The following SLC1A2 variants were observed in gnomAD, a reference collection of about 807,000 sequenced individuals.
The protein encoded by SLC1A2 is excitatory amino acid transporter 2.
A neutral mutation model predicts 48.8 loss-of-function variants in SLC1A2; 15 were observed. That is an observed-to-expected ratio of 0.31 (90% confidence interval 0.21 to 0.47). The LOEUF is 0.47. SLC1A2 is among the 20% of genes least tolerant of loss of function. The pLI, the probability that SLC1A2 is intolerant of heterozygous loss-of-function variation, is 0.99. For missense variants in SLC1A2, 502 were observed against 730.5 expected (o/e 0.69, Z 3.61); for synonymous variants, 279 against 272.6 (o/e 1.02, Z -0.23).
rs115656224 is a variant in SLC1A2, at chr11:35,370,999, G to A, written c.17+47951C>T. On this transcript the variant is annotated intron_variant, in intron 1 of 10. Coordinates refer to ENST00000278379, the MANE Select transcript of SLC1A2 (RefSeq NM_004171.4). ...CAGGGTACAGACAGTCCCAAAGGGT[G>A]GCATCTTCCTCTCTCATTCATGGGG... 1.6e-3 allele frequency: 1,555 copies of A among 985,086 alleles called. 24 individuals carry two copies. The African/African-American group carries it at 0.025, about 16-fold the overall frequency. 61.0% of individuals were successfully genotyped at this position (985,086 alleles called of 1,614,324 possible).
chr11:35,284,112 A>ATATATATATATATATATATATAT (rs1355573961), intron 8 of SLC1A2, among the ~76,000 whole-genome samples: 23 of 91,370 alleles, frequency 2.5e-4, no homozygotes, highest in Admixed American at 3.6e-4. Flanking sequence ...TATATATATA[A>ATATATATATATATATATATATAT]ATTATTATTT....
At chr11:35,354,077 A>G (rs1388703068) in intron 1 of SLC1A2, among the ~76,000 whole-genome samples, 1 of 152,172 alleles carries the variant, frequency 6.6e-6, no homozygotes, top group Non-Finnish European at 1.5e-5. Flanking sequence ...ATACAGATAG[A>G]AGACCAAAAC....
chr11:35,379,082 G>A (rs1258746813), intron 1 of SLC1A2, among the ~76,000 whole-genome samples: 2 of 152,098 alleles, frequency 1.3e-5, no homozygotes, highest in African/African-American at 4.8e-5. Context: ...TACAAAAGTA[G>A]CCAGGCGTGG....
At chr11:35,286,105 A>T (rs965498389) in intron 8 of SLC1A2, 1 of 152,234 alleles carries the variant, frequency 6.6e-6, no homozygotes, top group African/African-American at 2.4e-5. Flanking sequence ...GTTTATGGTG[A>T]GGCAATGCAT....
intron 1 of SLC1A2, among the ~76,000 whole-genome samples, chr11:35,414,323 C>A (rs1050388479): frequency 6.6e-6 from 1 of 152,104 alleles, no homozygotes; most frequent in Admixed American, 6.5e-5. Flanking sequence ...TTTAATACTG[C>A]GGGCCCATTG....
intron 1 of SLC1A2, among the ~76,000 whole-genome samples, chr11:35,371,530 A>G (rs1457748581): frequency 6.6e-6 from 1 of 152,232 alleles, no homozygotes; most frequent in Admixed American, 6.5e-5. Flanking sequence ...TAGTACCACC[A>G]GGGGTGGGAA....
chr11:35,292,720 G>A (rs780054274), intron 6 of SLC1A2, among the ~76,000 whole-genome samples, 200 bp from the exon 7 acceptor site: 6 of 151,966 alleles, frequency 3.9e-5, no homozygotes, highest in South Asian at 2.1e-4. Flanking sequence ...GGTGGCGCCT[G>A]CTCTGATGAA....
chr11:35,411,774 CT>C (rs1855469737), intron 1 of SLC1A2, among the ~76,000 whole-genome samples: 1 of 152,174 alleles, frequency 6.6e-6, no homozygotes, highest in African/African-American at 2.4e-5. Flanking sequence ...TTGAAATTAT[CT>C]TGTTTGACAT....
Position 35,403,014 on chromosome 11 carries a change from A to G in SLC1A2, c.17+15936T>C, listed in dbSNP as rs117246663. Among the ~76,000 whole-genome samples, 3 of 152,376 alleles carry G rather than the reference A, an allele frequency of 2.0e-5. No homozygotes were observed. In the East Asian group the frequency reaches 5.8e-4, roughly 29 times the overall value. ...ACCAAGTGTTAGCAGCCTAATTTGC[A>G]AAGTCAAGAGACTGATGGATAACCC... is the stretch of plus-strand genomic sequence containing the variant. On this transcript the variant is annotated intron_variant, in intron 1 of 10. Transcript: ENST00000278379.
chr11:35,403,699 G>T (rs1855198106), intron 1 of SLC1A2, among the ~76,000 whole-genome samples: 1 of 152,006 alleles, frequency 6.6e-6, no homozygotes, highest in African/African-American at 2.4e-5. Flanking sequence ...AGATTGTCTT[G>T]AAGGAGAAAC....
rs1950290278 is a variant in SLC1A2, at chr11:35,254,767, G to T, written c.*6127C>A. On this transcript the variant is annotated 3_prime_UTR_variant, in exon 11 of 11. Coordinates refer to ENST00000278379, the MANE Select transcript of SLC1A2 (RefSeq NM_004171.4). ...ACTTCTGACTCTACAAAGCAGTGAGGTCTGTTCCAATAGCTGGTTTTATTC... is the reference window on the plus strand; with the variant it reads ...ACTTCTGACTCTACAAAGCAGTGAGTTCTGTTCCAATAGCTGGTTTTATTC... 4.4e-6 allele frequency: 2 copies of T among 455,992 alleles called. No homozygotes were observed. The highest frequency in any genetic ancestry group is 2.4e-5 in the Admixed American group (1 of 42,534). The allele number at this position is 455,992 out of a possible 1,614,324, so 28.2% of individuals were successfully genotyped here.
At chr11:35,403,168 T>C (rs1198376178) in intron 1 of SLC1A2, among the ~76,000 whole-genome samples, 1 of 152,236 alleles carries the variant, frequency 6.6e-6, no homozygotes, top group Non-Finnish European at 1.5e-5. Flanking sequence ...CCTGCTTTCA[T>C]CCATTCCAAA....
intron 4 of SLC1A2, among the ~76,000 whole-genome samples, chr11:35,311,824 C>A (rs940245814): frequency 6.8e-6 from 1 of 148,002 alleles, no homozygotes; most frequent in African/African-American, 2.5e-5. Flanking sequence ...CTCAAAGACA[C>A]ATTTCCCAGC....
At chr11:35,372,442 T>C (rs1854092206) in intron 1 of SLC1A2, among the ~76,000 whole-genome samples, 1 of 152,212 alleles carries the variant, frequency 6.6e-6, no homozygotes, top group Non-Finnish European at 1.5e-5. Context: ...TTTCCTGTTA[T>C]TTTAGTATCT....
chr11:35,251,975 A>C lies in SLC1A2; in HGVS notation c.*8919T>G, dbSNP rs969348779. 1 of 152,612 alleles carries C rather than the reference A, an allele frequency of 6.6e-6. No homozygotes were observed. Among genetic ancestry groups the C allele is most frequent in the Non-Finnish European group, 1.5e-5 (1 of 68,038 alleles). 9.5% of individuals were successfully genotyped at this position (152,612 alleles called of 1,614,324 possible). On this transcript the variant is annotated 3_prime_UTR_variant, in exon 11 of 11. Transcript: ENST00000278379. ...ACTTGCATTAGTTAATCCCATCTTCAATCATTCAAAACATGCACACAGAAC... is the reference window on the plus strand; with the variant it reads ...ACTTGCATTAGTTAATCCCATCTTCCATCATTCAAAACATGCACACAGAAC...
rs1278042874 is a variant in SLC1A2, at chr11:35,256,578, A to G, written c.*4316T>C. ...ACCATTTATCTTCTTTGACAATTAG[A>G]CTTACAAAACTCACTCCAGAATTCC... On this transcript the variant is annotated 3_prime_UTR_variant, in exon 11 of 11. Coordinates refer to ENST00000278379, the MANE Select transcript of SLC1A2 (RefSeq NM_004171.4). The G allele has an allele frequency of 6.6e-6, 1 of 150,886 alleles. No individual in the cohort carries two copies. The highest frequency in any genetic ancestry group is 1.5e-5 in the Non-Finnish European group (1 of 67,740). 9.3% of individuals were successfully genotyped at this position (150,886 alleles called of 1,614,324 possible).
Position 35,297,334 on chromosome 11 carries a change from C to T in SLC1A2, c.857+4185G>A, listed in dbSNP as rs141542128. Among the ~76,000 whole-genome samples, 528 of 152,182 alleles carry T rather than the reference C, an allele frequency of 3.5e-3. 3 individuals carry two copies. Among genetic ancestry groups the T allele is most frequent in the African/African-American group, 0.012 (495 of 41,528 alleles). On this transcript the variant is annotated intron_variant, in intron 6 of 10. Coordinates refer to ENST00000278379, the MANE Select transcript of SLC1A2 (RefSeq NM_004171.4). ...ACTCCTTACCCCCGAGCATCCACTG[C>T]CCCCACCTTGCTCCATGGCTATAAA...
chr11:35,371,072 A>T (rs898413813), intron 1 of SLC1A2: 22 of 984,556 alleles, frequency 2.2e-5, no homozygotes, highest in Non-Finnish European at 2.5e-5. Flanking sequence ...GAGTTGACTC[A>T]TCTGTGTTCA....
chr11:35,397,552 G>A (rs1241842705), intron 1 of SLC1A2, among the ~76,000 whole-genome samples: 8 of 151,784 alleles, frequency 5.3e-5, no homozygotes, highest in South Asian at 2.1e-4. Flanking sequence ...AGATTTAAAC[G>A]TTAGACCTAA....
Sources: gnomAD v4.1 joint callset for allele counts (sites outside exome capture counted in the v4.1 genomes callset) on GRCh38, gnomAD v4.1.1 for gene constraint, MANE v1.5 for transcripts, NCBI Gene and HGNC (gene_info 2026-07-23, HGNC 2026-07-21) for gene names.